PAX3: variants seen among roughly 807,000 people sequenced by gnomAD.
PAX3 encodes paired box 3.
PAX3 carries 14 observed loss-of-function variants against 51.6 expected under a neutral mutation model. The observed-to-expected ratio is 0.27, with a 90% CI of 0.18 to 0.42. PAX3 has a LOEUF of 0.42. PAX3 is among the 10% of genes least tolerant of loss of function. The pLI, the probability that PAX3 is intolerant of heterozygous loss-of-function variation, is 1.00. For missense variants in PAX3, 540 were observed against 642.8 expected (o/e 0.84, Z 1.73); for synonymous variants, 280 against 253.4 (o/e 1.11, Z -1.00).
At chr2:222,248,520 A>C (rs970200719) in intron 4 of PAX3, among the ~76,000 whole-genome samples, 3 of 152,202 alleles carry the variant, frequency 2.0e-5, no homozygotes, top group Admixed American at 1.3e-4. Flanking sequence ...TTTCCTTGGT[A>C]ATTAAACTAT....
chr2:222,266,480 C>A (rs148039162), intron 4 of PAX3, among the ~76,000 whole-genome samples: 5 of 152,334 alleles, frequency 3.3e-5, no homozygotes, highest in African/African-American at 4.8e-5. Context: ...AAGTAGCCCC[C>A]TCCTCAGTTA....
At chr2:222,210,134 A>G (rs1691670323) in intron 7 of PAX3, among the ~76,000 whole-genome samples, 1 of 152,186 alleles carries the variant, frequency 6.6e-6, no homozygotes, top group Admixed American at 6.5e-5. Context: ...TATGTCTCCT[A>G]CTGCACAGGC....
chr2:222,291,477 A>G lies in PAX3; in HGVS notation c.586+2690T>C, dbSNP rs1287315949. Among the ~76,000 whole-genome samples, 3 of 152,300 alleles carry G rather than the reference A, an allele frequency of 2.0e-5. No homozygotes were observed. In the East Asian group the frequency reaches 5.8e-4, roughly 30 times the overall value. ...GAGCGAGGGAAAAGGGAAAGTTGGG[A>G]AAGTTAAGAGGACCATCTGGGAGAA... is the stretch of plus-strand genomic sequence containing the variant. On this transcript the variant is annotated intron_variant, in intron 4 of 8. Transcript: ENST00000392070.
At chr2:222,270,423 C>T (rs996841399) in intron 4 of PAX3, among the ~76,000 whole-genome samples, 2 of 152,148 alleles carry the variant, frequency 1.3e-5, no homozygotes, top group South Asian at 4.1e-4. Context: ...ATGTTTCCAT[C>T]GGTCTCCAAA....
chr2:222,202,098 G>A lies in PAX3; in HGVS notation c.1266C>T (p.Thr422=). 1 of 1,613,890 alleles carries A rather than the reference G, an allele frequency of 6.2e-7. No individual in the cohort carries two copies. The highest frequency in any genetic ancestry group is 8.5e-7 in the Non-Finnish European group (1 of 1,179,972). Residue 422 remains threonine (T), a synonymous_variant, in exon 8 of 9, where the codon ACC becomes ACT. Transcript: ENST00000392070. ...GACTGCAGCTGGCCGACACCGTGGT[G>A]GTAGGTTCCAGACCCCCGGTGAGAG... The part of the protein sequence containing the change: ...LSPLTGGLEP[T]TTVSASCSQR...
At chr2:222,285,205 C>A (rs1442043604) in intron 4 of PAX3, among the ~76,000 whole-genome samples, 2 of 152,204 alleles carry the variant, frequency 1.3e-5, no homozygotes, top group Non-Finnish European at 2.9e-5. Flanking sequence ...CACATGCACA[C>A]ATGCTTTGGC....
At chr2:222,218,320 A>G (rs562775636) in intron 7 of PAX3, among the ~76,000 whole-genome samples, 1 of 152,278 alleles carries the variant, frequency 6.6e-6, no homozygotes, top group African/African-American at 2.4e-5. Context: ...ATACTTATAT[A>G]ATACAAAAGA....
chr2:222,232,928 A>G (rs907430838), intron 4 of PAX3: 5 of 154,042 alleles, frequency 3.2e-5, no homozygotes, highest in African/African-American at 1.2e-4. Context: ...TGCTTTAAAG[A>G]AAATGTATGT....
intron 7 of PAX3, among the ~76,000 whole-genome samples, chr2:222,209,842 G>A (rs1229236159): frequency 6.6e-6 from 1 of 151,218 alleles, no homozygotes. Context: ...AATGAGCCAT[G>A]ATTGCACCGC....
At chr2:222,294,442 G>T in intron 3 of PAX3, 141 bp from the exon 4 acceptor site, 1 of 841,246 alleles carries the variant, frequency 1.2e-6, no homozygotes, top group Non-Finnish European at 1.9e-6. Flanking sequence ...GTCTCCTCCT[G>T]CATCTCTGGA....
At chr2:222,227,729 TAA>T (rs34964275) in intron 5 of PAX3, among the ~76,000 whole-genome samples, 67 of 145,130 alleles carry the variant, frequency 4.6e-4, no homozygotes, top group Admixed American at 1.0e-3. Context: ...TCATCTTTTT[TAA>T]AAAAAAAAAA....
intron 4 of PAX3, chr2:222,232,922 T>C (rs1692652285): frequency 2.0e-5 from 3 of 153,722 alleles, no homozygotes; most frequent in African/African-American, 7.3e-5. Flanking sequence ...GGGAAATGCT[T>C]TAAAGAAAAT....
chr2:222,212,198 G>A (rs1691764551), intron 7 of PAX3, among the ~76,000 whole-genome samples: 1 of 152,112 alleles, frequency 6.6e-6, no homozygotes, highest in African/African-American at 2.4e-5. Context: ...TCTACAGCAG[G>A]TATTTTGAAA....
At chr2:222,284,598 T>G (rs1694764425) in intron 4 of PAX3, among the ~76,000 whole-genome samples, 1 of 110,308 alleles carries the variant, frequency 9.1e-6, no homozygotes. Context: ...TGGTGTGGGG[T>G]GTGTGTCTGT....
At chr2:222,202,235 TC>T in intron 7 of PAX3, 45 bp from the exon 8 acceptor site, 1 of 1,356,912 alleles carries the variant, frequency 7.4e-7, no homozygotes, top group Non-Finnish European at 1.0e-6. Flanking sequence ...TGCAGAGAGA[TC>T]CAGATTGCAG....
At chr2:222,227,088 G>A (rs774291916) in intron 5 of PAX3, among the ~76,000 whole-genome samples, 6 of 151,968 alleles carry the variant, frequency 3.9e-5, no homozygotes, top group Non-Finnish European at 5.9e-5. Flanking sequence ...AAAACCTGAA[G>A]TCCAAAAGGA....
intron 7 of PAX3, 97 bp downstream of exon 7, chr2:222,220,043 G>T: frequency 9.8e-7 from 1 of 1,016,886 alleles, no homozygotes; most frequent in Non-Finnish European, 1.5e-6. Flanking sequence ...AATACATTAT[G>T]GTTTAAATTT....
intron 7 of PAX3, among the ~76,000 whole-genome samples, chr2:222,218,346 T>C (rs1692049020): frequency 6.6e-6 from 1 of 152,126 alleles, no homozygotes; most frequent in Non-Finnish European, 1.5e-5. Flanking sequence ...CATCATAACA[T>C]ACAAGATAAT....
At chr2:222,284,896 C>G (rs1006520144) in intron 4 of PAX3, among the ~76,000 whole-genome samples, 9 of 152,186 alleles carry the variant, frequency 5.9e-5, no homozygotes, top group African/African-American at 2.2e-4. Flanking sequence ...TTCAAAAGGT[C>G]ACAACTAAAA....
Sources: gnomAD v4.1 joint callset for allele counts (sites outside exome capture counted in the v4.1 genomes callset) on GRCh38, gnomAD v4.1.1 for gene constraint, MANE v1.5 for transcripts, NCBI Gene and HGNC (gene_info 2026-07-23, HGNC 2026-07-21) for gene names.